Variants in MECOM observed in about 807,000 individuals in gnomAD.
MECOM encodes MDS1 and EVI1 complex locus.
A neutral mutation model predicts 116.3 loss-of-function variants in MECOM; 13 were observed. That is an observed-to-expected ratio of 0.11 (90% CI 0.07 to 0.18). The LOEUF is 0.18. Ranked by LOEUF, MECOM falls within the 10% of genes least tolerant of loss-of-function variation. The pLI, the probability that MECOM is intolerant of heterozygous loss-of-function variation, is 1.00. For synonymous variants in MECOM, 528 were observed against 535.2 expected (o/e 0.99, Z 0.19); for missense variants, 1,299 against 1,509.0 (o/e 0.86, Z 2.31).
chr3:169,474,719 T>C (rs1398726178), intron 1 of MECOM, among the ~76,000 whole-genome samples: 4 of 152,142 alleles, frequency 2.6e-5, no homozygotes, highest in African/African-American at 9.7e-5. Flanking sequence ...CTCTGAGTTT[T>C]TTATGCTCTC....
chr3:169,660,184 A>C (rs1430648581), intron 1 of MECOM, among the ~76,000 whole-genome samples: 1 of 152,198 alleles, frequency 6.6e-6, no homozygotes, highest in East Asian at 1.9e-4. Context: ...CTAGCTGCCC[A>C]AGAAAACGGC....
chr3:169,123,888 G>T (rs898142148), intron 5 of MECOM, among the ~76,000 whole-genome samples: 14 of 152,008 alleles, frequency 9.2e-5, no homozygotes, highest in African/African-American at 3.1e-4. Context: ...AACCCCAATG[G>T]TCTCCCAAGG....
intron 2 of MECOM, among the ~76,000 whole-genome samples, chr3:169,245,833 G>T (rs951442630): frequency 5.9e-5 from 9 of 152,054 alleles, no homozygotes; most frequent in African/African-American, 1.9e-4. Context: ...TAAAAAAGTC[G>T]CTATTCATTA....
intron 1 of MECOM, among the ~76,000 whole-genome samples, chr3:169,440,143 T>A (rs189674452): frequency 5.3e-5 from 8 of 152,106 alleles, no homozygotes; most frequent in African/African-American, 1.9e-4. Context: ...AGGTAGTGAG[T>A]TCACAAGTGT....
chr3:169,283,705 G>T lies in MECOM; in HGVS notation c.375+97482C>A, dbSNP rs140293294. On this transcript the variant is annotated intron_variant, in intron 2 of 16. Coordinates refer to ENST00000651503, the MANE Select transcript of MECOM (RefSeq NM_004991.4). ...ATTTCTGAAATGCATTTACATGTAGGTTCCTTAAAATTATTTACCTTGCCC... is the reference window on the plus strand; with the variant it reads ...ATTTCTGAAATGCATTTACATGTAGTTTCCTTAAAATTATTTACCTTGCCC... Among the ~76,000 whole-genome samples, 11 of 152,164 alleles carry T rather than the reference G, an allele frequency of 7.2e-5. No individual in the cohort carries two copies. The East Asian group carries it at 1.9e-3, about 27-fold the overall frequency.
rs376175876 is a variant in MECOM, at chr3:169,090,035, A to G, written c.3366T>C (p.Ser1122=). ...ATGTCTTGCAACTCATCTCCAGGGC[A>G]CTGGTTTCTTCATAGTCATCCTCAG... ...GNPEDDYEET[S]ALEMSCKTSP... The change falls in exon 15 of 17, where the codon AGT becomes AGC. Residue 1122 remains serine, a synonymous_variant. Coordinates refer to ENST00000651503, the MANE Select transcript of MECOM (RefSeq NM_004991.4). 7 of 1,613,474 alleles carry G rather than the reference A, an allele frequency of 4.3e-6. No individual in the cohort carries two copies. The African/African-American group carries it at 9.3e-5, about 22-fold the overall frequency.
chr3:169,433,482 A>AAGAC (rs1298117224), intron 1 of MECOM, among the ~76,000 whole-genome samples: 1 of 151,896 alleles, frequency 6.6e-6, no homozygotes, highest in Non-Finnish European at 1.5e-5. Flanking sequence ...AAAGAAAAGA[A>AAGAC]AGACAGACAG....
chr3:169,504,316 G>A (rs560821199), intron 1 of MECOM, among the ~76,000 whole-genome samples: 9 of 151,906 alleles, frequency 5.9e-5, no homozygotes, highest in South Asian at 4.2e-4. Context: ...GCTCTGTCTC[G>A]ATGGGGATGC....
intron 1 of MECOM, among the ~76,000 whole-genome samples, chr3:169,388,529 T>G (rs545773915): frequency 6.6e-6 from 1 of 152,194 alleles, no homozygotes; most frequent in African/African-American, 2.4e-5. Context: ...CTAGTAAAAG[T>G]AGGGAAAATG....
At chr3:169,527,692 A>G (rs1009297275) in intron 1 of MECOM, among the ~76,000 whole-genome samples, 1 of 152,150 alleles carries the variant, frequency 6.6e-6, no homozygotes. Context: ...AGATTGAATA[A>G]AGCTCTGAGG....
intron 1 of MECOM, among the ~76,000 whole-genome samples, chr3:169,483,360 A>G (rs1368528866): frequency 6.6e-6 from 1 of 150,814 alleles, no homozygotes; most frequent in Non-Finnish European, 1.5e-5. Context: ...TGACAGTCAC[A>G]CTTTTTAAAA....
At chr3:169,363,075 CA>C (rs1728567407) in intron 2 of MECOM, among the ~76,000 whole-genome samples, 1 of 151,868 alleles carries the variant, frequency 6.6e-6, no homozygotes, top group South Asian at 2.1e-4. Context: ...TGTTCAGCCA[CA>C]AAATACCGCA....
chr3:169,367,097 T>A (rs1560182032), intron 2 of MECOM, among the ~76,000 whole-genome samples: 1 of 151,994 alleles, frequency 6.6e-6, no homozygotes, highest in Non-Finnish European at 1.5e-5. Context: ...ACCCAGAGAA[T>A]AGAAAAAGAC....
At chr3:169,499,466 T>G (rs1240262787) in intron 1 of MECOM, among the ~76,000 whole-genome samples, 6 of 142,852 alleles carry the variant, frequency 4.2e-5, no homozygotes, top group Non-Finnish European at 9.2e-5. Context: ...CAAGGCAAAA[T>G]AGCTAAACCA....
At chr3:169,103,615 T>C (rs1724337142) in intron 10 of MECOM, among the ~76,000 whole-genome samples, 1 of 152,162 alleles carries the variant, frequency 6.6e-6, no homozygotes, top group African/African-American at 2.4e-5. Flanking sequence ...CCCAAGAAAC[T>C]ATCCTTTTGC....
At chr3:169,237,667 TTG>T (rs1360842655) in intron 2 of MECOM, among the ~76,000 whole-genome samples, 5 of 150,622 alleles carry the variant, frequency 3.3e-5, no homozygotes, top group Admixed American at 2.0e-4. Flanking sequence ...ATGAACATAT[TTG>T]TTGACTGAAT....
At chr3:169,231,708 A>G (rs1485383088) in intron 2 of MECOM, among the ~76,000 whole-genome samples, 3 of 152,172 alleles carry the variant, frequency 2.0e-5, no homozygotes, top group Admixed American at 2.0e-4. Flanking sequence ...CAGTATGATG[A>G]AGTCATGAAG....
intron 2 of MECOM, among the ~76,000 whole-genome samples, chr3:169,177,260 T>C (rs1745305805): frequency 6.6e-6 from 1 of 152,182 alleles, no homozygotes; most frequent in African/African-American, 2.4e-5. Context: ...ATGTGGTACA[T>C]ATACACCATG....
chr3:169,175,165 T>TA (rs1317175119), intron 2 of MECOM, among the ~76,000 whole-genome samples: 2 of 152,306 alleles, frequency 1.3e-5, no homozygotes, highest in East Asian at 1.9e-4. Flanking sequence ...AGCCCGCACT[T>TA]ACAACATATC....
Sources: allele counts gnomAD v4.1 joint callset (sites outside exome capture counted in the v4.1 genomes callset), GRCh38; gene constraint gnomAD v4.1.1; transcripts MANE v1.5; gene names NCBI Gene and HGNC (gene_info 2026-07-23, HGNC 2026-07-21).